IMMP2L: variants seen among roughly 807,000 people sequenced by gnomAD.
The protein encoded by IMMP2L is inner mitochondrial membrane peptidase subunit 2.
Under a neutral mutation model 19.3 loss-of-function variants are expected in IMMP2L, and 18 were observed. That is an observed-to-expected ratio of 0.93 (90% confidence interval 0.64 to 1.38). The LOEUF (loss-of-function observed/expected upper bound fraction) is 1.38, where lower values mean the gene tolerates loss of function less well. Ranked by LOEUF, IMMP2L falls within the 40% of genes most tolerant of loss-of-function variation. The pLI is 0.00. For missense variants in IMMP2L, 233 were observed against 218.2 expected (o/e 1.07, Z -0.43); for synonymous variants, 76 against 73.0 (o/e 1.04, Z -0.21).
chr7:111,397,800 A>C (rs1248010772), intron 3 of IMMP2L, among the ~76,000 whole-genome samples: 1 of 152,084 alleles, frequency 6.6e-6, no homozygotes, highest in African/African-American at 2.4e-5. Flanking sequence ...TGTTGCAAAT[A>C]CTTTTCCAGG....
At chr7:110,899,880 G>A (rs1398715506) in intron 4 of IMMP2L, among the ~76,000 whole-genome samples, 1 of 152,170 alleles carries the variant, frequency 6.6e-6, no homozygotes, top group Non-Finnish European at 1.5e-5. Flanking sequence ...ATCTTTGTAT[G>A]TTTTTGAATG....
At chr7:111,016,855 T>G (rs28864969) in intron 3 of IMMP2L, among the ~76,000 whole-genome samples, 15 of 83,764 alleles carry the variant, frequency 1.8e-4, no homozygotes, top group East Asian at 1.3e-3. Flanking sequence ...ATAATATATA[T>G]TATATAATAT....
At chr7:111,531,310 T>C (rs754887453) in intron 1 of IMMP2L, among the ~76,000 whole-genome samples, 12 of 151,402 alleles carry the variant, frequency 7.9e-5, no homozygotes, top group African/African-American at 9.7e-5. Flanking sequence ...TCCTCATCAA[T>C]ATGGACATCT....
intron 3 of IMMP2L, among the ~76,000 whole-genome samples, chr7:111,471,128 T>C (rs761312706): frequency 7.9e-5 from 12 of 152,034 alleles, no homozygotes; most frequent in East Asian, 5.8e-4. Flanking sequence ...ATATTAGAGA[T>C]AGAAGTCTGA....
At chr7:111,183,924 A>G (rs1283040591) in intron 3 of IMMP2L, among the ~76,000 whole-genome samples, 1 of 152,108 alleles carries the variant, frequency 6.6e-6, no homozygotes, top group Admixed American at 6.6e-5. Context: ...GTACATTTGT[A>G]AGAACTTGGG....
At chr7:111,026,405 T>C (rs1826825860) in intron 3 of IMMP2L, among the ~76,000 whole-genome samples, 1 of 152,086 alleles carries the variant, frequency 6.6e-6, no homozygotes, top group African/African-American at 2.4e-5. Context: ...CTTCCCCTTA[T>C]TGTAGAGGAG....
At chr7:110,928,525 C>A (rs2129551407) in intron 4 of IMMP2L, among the ~76,000 whole-genome samples, 1 of 145,596 alleles carries the variant, frequency 6.9e-6, no homozygotes, top group Non-Finnish European at 1.5e-5. Flanking sequence ...AGTGTACACA[C>A]ACATACACAG....
chr7:111,486,585 CTTTT>C (rs1242368481), intron 3 of IMMP2L, among the ~76,000 whole-genome samples: 1 of 148,980 alleles, frequency 6.7e-6, no homozygotes, highest in African/African-American at 2.6e-5. Flanking sequence ...TGTAAATTTA[CTTTT>C]AAAGCAAACA....
intron 4 of IMMP2L, among the ~76,000 whole-genome samples, chr7:110,900,107 T>G (rs959467544): frequency 1.3e-5 from 2 of 152,176 alleles, no homozygotes; most frequent in African/African-American, 4.8e-5. Context: ...GACTTCTATC[T>G]CCACTGGGTT....
At chr7:110,997,650 T>G (rs1043962421) in intron 3 of IMMP2L, among the ~76,000 whole-genome samples, 2 of 152,222 alleles carry the variant, frequency 1.3e-5, no homozygotes, top group Non-Finnish European at 2.9e-5. Context: ...ATTTGCCATC[T>G]GCATATACTT....
intron 3 of IMMP2L, among the ~76,000 whole-genome samples, chr7:111,136,032 ATT>A (rs545975140): frequency 1.4e-5 from 2 of 145,002 alleles, no homozygotes; most frequent in African/African-American, 2.5e-5. Context: ...TCACCCTACA[ATT>A]TTTTTTTTTT....
At chr7:111,375,858 A>C (rs1830639854) in intron 3 of IMMP2L, among the ~76,000 whole-genome samples, 2 of 152,118 alleles carry the variant, frequency 1.3e-5, no homozygotes, top group Non-Finnish European at 2.9e-5. Context: ...GTCATGTGAA[A>C]TTTAAGTCTT....
At chr7:111,492,931 G>C (rs1387084925) in intron 2 of IMMP2L, among the ~76,000 whole-genome samples, 1 of 152,126 alleles carries the variant, frequency 6.6e-6, no homozygotes, top group African/African-American at 2.4e-5. Context: ...TCTGCCTACA[G>C]ATAAGACTCT....
chr7:111,473,900 C>T (rs1326000944), intron 3 of IMMP2L, among the ~76,000 whole-genome samples: 2 of 152,078 alleles, frequency 1.3e-5, no homozygotes, highest in Non-Finnish European at 1.5e-5. Flanking sequence ...TGCACAATGG[C>T]TAAGACATGG....
intron 3 of IMMP2L, among the ~76,000 whole-genome samples, chr7:111,121,720 C>T (rs1800645552): frequency 6.6e-6 from 1 of 152,152 alleles, no homozygotes; most frequent in Middle Eastern, 3.4e-3. Flanking sequence ...CCCAGCCAAC[C>T]CATTACTGGG....
intron 5 of IMMP2L, among the ~76,000 whole-genome samples, chr7:110,735,625 T>C (rs1796565686): frequency 6.7e-6 from 1 of 148,666 alleles, no homozygotes; most frequent in South Asian, 2.1e-4. Flanking sequence ...CAAAACTCTG[T>C]GTCTACAAAT....
At chr7:111,390,172 G>T (rs1288011226) in intron 3 of IMMP2L, among the ~76,000 whole-genome samples, 1 of 152,124 alleles carries the variant, frequency 6.6e-6, no homozygotes, top group Non-Finnish European at 1.5e-5. Context: ...CACAGCTGCA[G>T]AGAACCGCCC....
chr7:110,832,336 C>G (rs1432532696), intron 5 of IMMP2L, among the ~76,000 whole-genome samples: 2 of 152,240 alleles, frequency 1.3e-5, no homozygotes, highest in South Asian at 4.1e-4. Flanking sequence ...ACTGTACTGT[C>G]GTTATCCTGG....
At chr7:110,672,348 C>T (rs1310735073) in intron 5 of IMMP2L, among the ~76,000 whole-genome samples, 1 of 152,156 alleles carries the variant, frequency 6.6e-6, no homozygotes, top group Non-Finnish European at 1.5e-5. Context: ...CTAGGTCCCT[C>T]CCATGACATG....
Sources: gnomAD v4.1 joint callset for allele counts (sites outside exome capture counted in the v4.1 genomes callset) on GRCh38, gnomAD v4.1.1 for gene constraint, MANE v1.5 for transcripts, NCBI Gene and HGNC (gene_info 2026-07-23, HGNC 2026-07-21) for gene names.